The following AGPS variants were observed in gnomAD, a reference collection of about 807,000 sequenced individuals.
The protein encoded by AGPS is alkylglycerone phosphate synthase, also known as alkyldihydroxyacetonephosphate synthase, peroxisomal.
Under a neutral mutation model 90.7 loss-of-function variants are expected in AGPS, and 26 were observed. The observed-to-expected ratio is 0.29, with a 90% CI of 0.21 to 0.40. The LOEUF (loss-of-function observed/expected upper bound fraction) is 0.40, where lower values mean the gene tolerates loss of function less well. Among genes scored for constraint, AGPS ranks in the 10% least tolerant of loss-of-function variants. The probability of loss-of-function intolerance (pLI) is 1.00; values close to 1 mark genes in which losing one functional copy is unlikely to be tolerated. For synonymous variants in AGPS, 294 were observed against 285.3 expected, an observed-to-expected ratio of 1.03 and a Z score of -0.31; for missense variants, 540 against 816.1, an observed-to-expected ratio of 0.66 and a Z score of 4.12.
intron 1 of AGPS, among the ~76,000 whole-genome samples, chr2:177,404,367 G>A (rs1021941109): frequency 4.6e-5 from 7 of 152,086 alleles, no homozygotes; most frequent in African/African-American, 9.7e-5. Context: ...TGTACATTCC[G>A]TGCTTATTCA....
In AGPS at chr2:177,493,164, C is replaced by T; in HGVS notation, c.1250C>T (p.Ser417Phe). Residue 417 changes from serine to phenylalanine, a missense_variant, in exon 12 of 20, where the codon TCT (serine) becomes TTT (phenylalanine). Ser to Phe is a radical substitution (Grantham distance 155). Transcript: ENST00000264167. ...TTAAAACAGAGATGTGCTCCGGCAT[C>T]TATTCGCCTCATGGACAACAAGCAG... ...EIAKQRCAPA[S>F]IRLMDNKQFQ... is the part of the protein sequence containing the mutation. The T allele has an allele frequency of 6.2e-7, 1 of 1,613,332 alleles. No homozygotes were observed. The highest frequency in any genetic ancestry group is 8.5e-7 in the Non-Finnish European group (1 of 1,179,640).
rs565220109 is a variant in AGPS, at chr2:177,525,963, A to G, written c.1855+2158A>G. On this transcript the variant is annotated intron_variant, in intron 19 of 19. Coordinates refer to ENST00000264167, the MANE Select transcript of AGPS (RefSeq NM_003659.4). ...GTAGGCTCTAACAGAGTCTGTGTAAACATACTTGAAATAATATATTCATAA... is the reference window on the plus strand; with the variant it reads ...GTAGGCTCTAACAGAGTCTGTGTAAGCATACTTGAAATAATATATTCATAA... Among the ~76,000 whole-genome samples the G allele has an allele frequency of 5.9e-4, 90 of 152,334 alleles. No individual in the cohort carries two copies. In the Middle Eastern group the frequency reaches 0.01, roughly 17 times the overall value.
chr2:177,443,286 A>T (rs568425284), intron 7 of AGPS, among the ~76,000 whole-genome samples: 2 of 152,288 alleles, frequency 1.3e-5, no homozygotes, highest in East Asian at 3.9e-4. Context: ...TCAAATGGGG[A>T]TCCAGACAAG....
intron 19 of AGPS, among the ~76,000 whole-genome samples, chr2:177,526,284 C>T (rs1169391132): frequency 7.0e-6 from 1 of 142,772 alleles, no homozygotes; most frequent in Non-Finnish European, 1.5e-5. Context: ...GGCTGGAGTG[C>T]AGCGGTGCGA....
At chr2:177,459,767 A>G (rs1687231540) in intron 8 of AGPS, among the ~76,000 whole-genome samples, 5 of 152,346 alleles carry the variant, frequency 3.3e-5, no homozygotes, top group Admixed American at 3.3e-4. Context: ...CAATTTCTCA[A>G]GGATCTAGAA....
chr2:177,536,103 C>T (rs1373739023), intron 19 of AGPS, among the ~76,000 whole-genome samples: 2 of 152,146 alleles, frequency 1.3e-5, no homozygotes, highest in East Asian at 1.9e-4. Context: ...TGGGTGGCTT[C>T]TCAGACGATG....
chr2:177,436,797 G>T lies in AGPS; in HGVS notation c.475G>T (p.Val159Phe). 6.2e-7 allele frequency: 1 copy of T among 1,611,020 alleles called. No homozygotes were observed. The highest frequency in any genetic ancestry group is 8.5e-7 in the Non-Finnish European group (1 of 1,177,952). Reference sequence around the variant, plus strand: ...AAATCCTAGTGATACACCTCCTTCTGTTGTAAATGAAGATTTTCTTCATGA... The same window carrying T: ...AAATCCTAGTGATACACCTCCTTCTTTTGTAAATGAAGATTTTCTTCATGA... ...SLNPSDTPPS[V>F]VNEDFLHDLK... The change falls in exon 4 of 20, where the codon GTT (valine) becomes TTT (phenylalanine). Residue 159 changes from valine (V) to phenylalanine (F), a missense_variant. Transcript: ENST00000264167.
chr2:177,495,547 A>G (rs986761898), intron 12 of AGPS, among the ~76,000 whole-genome samples: 3 of 152,218 alleles, frequency 2.0e-5, no homozygotes, highest in Admixed American at 2.0e-4. Flanking sequence ...TAACATTGAA[A>G]TAACAGAAAA....
chr2:177,485,164 T>A (rs1031575345), intron 11 of AGPS, among the ~76,000 whole-genome samples: 1 of 152,236 alleles, frequency 6.6e-6, no homozygotes, highest in Non-Finnish European at 1.5e-5. Context: ...GTGTTCAGTC[T>A]GTATTGACCA....
chr2:177,527,435 C>A (rs2079098686), intron 19 of AGPS, among the ~76,000 whole-genome samples: 1 of 151,800 alleles, frequency 6.6e-6, no homozygotes, highest in African/African-American at 2.4e-5. Context: ...CTCAATCAAT[C>A]AATAAAAGGA....
At chr2:177,439,708 CCTA>C (rs1423643704) in intron 5 of AGPS, among the ~76,000 whole-genome samples, 1 of 152,124 alleles carries the variant, frequency 6.6e-6, no homozygotes, top group Admixed American at 6.5e-5. Context: ...ATTCTTATTT[CCTA>C]CTAAGTCCTT....
intron 1 of AGPS, among the ~76,000 whole-genome samples, chr2:177,415,079 C>G (rs1265151689): frequency 6.6e-6 from 1 of 151,620 alleles, no homozygotes; most frequent in African/African-American, 2.4e-5. Context: ...TTTATTGTTT[C>G]TCCTTTGTGT....
At chr2:177,481,925 AG>A in intron 10 of AGPS, 133 bp from the exon 11 acceptor site, 1 of 743,568 alleles carries the variant, frequency 1.3e-6, no homozygotes, top group Admixed American at 3.3e-5. Context: ...TGACTTGAGT[AG>A]CCATTATTCC....
chr2:177,543,547 AC>A lies in AGPS; in HGVS notation c.*5353del, dbSNP rs1034473557. On this transcript the variant is annotated 3_prime_UTR_variant, in exon 20 of 20. Coordinates refer to ENST00000264167, the MANE Select transcript of AGPS (RefSeq NM_003659.4). ...TAAGCACTTGTATGTAAGCCATTATACTGCTGTAACTAATGCATACAAACAA... is the reference window on the plus strand; with the variant it reads ...TAAGCACTTGTATGTAAGCCATTATATGCTGTAACTAATGCATACAAACAA... The A allele has an allele frequency of 1.3e-5, 2 of 152,234 alleles. No individual in the cohort carries two copies. The highest frequency in any genetic ancestry group is 4.8e-5 in the African/African-American group (2 of 41,470). 9.4% of individuals were successfully genotyped at this position (152,234 alleles called of 1,614,324 possible). A position where few individuals can be genotyped will look rare whatever the true frequency, so the allele number is the denominator to read the frequency against.
chr2:177,497,110 T>C (rs1055905194), intron 12 of AGPS, among the ~76,000 whole-genome samples: 1 of 152,054 alleles, frequency 6.6e-6, no homozygotes, highest in African/African-American at 2.4e-5. Flanking sequence ...CAGGCAAAGA[T>C]GTTAATTTAA....
chr2:177,415,962 A>G (rs985081351), intron 1 of AGPS, among the ~76,000 whole-genome samples: 1 of 152,184 alleles, frequency 6.6e-6, no homozygotes, highest in Non-Finnish European at 1.5e-5. Context: ...GAATTTTATC[A>G]GAAAAACTTT....
intron 1 of AGPS, among the ~76,000 whole-genome samples, chr2:177,395,446 G>A (rs1160273433): frequency 1.3e-5 from 2 of 152,214 alleles, no homozygotes; most frequent in Non-Finnish European, 2.9e-5. Context: ...ATCTAGTCCT[G>A]TACTGGTACT....
At chr2:177,423,790 C>T (rs1341217501) in intron 2 of AGPS, among the ~76,000 whole-genome samples, 1 of 152,092 alleles carries the variant, frequency 6.6e-6, no homozygotes, top group African/African-American at 2.4e-5. Flanking sequence ...TTTTTCTGAG[C>T]AGTCTATCTT....
At chr2:177,498,319 G>T (rs978932540) in intron 13 of AGPS, among the ~76,000 whole-genome samples, 1 of 151,402 alleles carries the variant, frequency 6.6e-6, no homozygotes, top group Non-Finnish European at 1.5e-5. Flanking sequence ...GTTGGATATG[G>T]TTATTTTTGC....
Sources: gnomAD v4.1 joint callset for allele counts (sites outside exome capture counted in the v4.1 genomes callset) on GRCh38, gnomAD v4.1.1 for gene constraint, MANE v1.5 for transcripts, NCBI Gene and HGNC (gene_info 2026-07-23, HGNC 2026-07-21) for gene names.